Variants in GPD1L observed in about 807,000 individuals in gnomAD.
GPD1L encodes glycerol-3-phosphate dehydrogenase 1 like, also known as glycerol-3-phosphate dehydrogenase 1-like protein.
In GPD1L, 17 loss-of-function variants were observed where a neutral mutation model predicts 32.9. The ratio of observed to expected loss-of-function variants is 0.52; its 90% CI spans 0.35 to 0.78. The LOEUF is 0.78. Among genes scored for constraint, GPD1L ranks in the 30% least tolerant of loss-of-function variants. The pLI is 0.01. For synonymous variants in GPD1L, 187 were observed against 165.9 expected (o/e 1.13, Z -0.98); for missense variants, 361 against 447.8 (o/e 0.81, Z 1.75).
At chr3:32,161,571 C>G (rs1048148797) in intron 7 of GPD1L, among the ~76,000 whole-genome samples, 2 of 152,060 alleles carry the variant, frequency 1.3e-5, no homozygotes, top group African/African-American at 4.8e-5. Flanking sequence ...TGAAACACAC[C>G]CCAAGTGTGC....
intron 4 of GPD1L, among the ~76,000 whole-genome samples, chr3:32,141,351 C>A (rs1700739632): frequency 6.6e-6 from 1 of 151,938 alleles, no homozygotes; most frequent in South Asian, 2.1e-4. Flanking sequence ...AAAAGAAAGC[C>A]ATTTTAAATT....
chr3:32,120,037 C>T (rs1468584506), intron 1 of GPD1L, among the ~76,000 whole-genome samples: 2 of 152,144 alleles, frequency 1.3e-5, no homozygotes, highest in Non-Finnish European at 2.9e-5. Context: ...TAAAAGTGAG[C>T]CTGCCGGCCG....
chr3:32,144,854 C>CACACACACA (rs774096008), intron 4 of GPD1L, among the ~76,000 whole-genome samples: 6 of 147,788 alleles, frequency 4.1e-5, no homozygotes, highest in African/African-American at 1.5e-4. Flanking sequence ...CACACACACA[C>CACACACACA]CACCACGCCA....
intron 1 of GPD1L, among the ~76,000 whole-genome samples, chr3:32,121,441 ATATATATATTTCTCTC>A (rs60410111): frequency 0.22 from 19,705 of 89,170 alleles, 5,862 homozygotes; most frequent in Non-Finnish European, 0.37. Flanking sequence ...GGCTTTCTTT[ATATATATATTTCTCTC>A]TATATATATT....
rs935002368 is a variant in GPD1L at position 32,128,511 on chromosome 3, A to G, written c.225+258A>G. Among the ~76,000 whole-genome samples, 3 of 152,322 alleles carry G rather than the reference A, an allele frequency of 2.0e-5. No individual in the cohort carries two copies. In the East Asian group the frequency reaches 5.8e-4, roughly 29 times the overall value. On this transcript the variant is annotated intron_variant, in intron 2 of 7. Transcript: ENST00000282541. ...TTTTATAATTCTAGAGGTTTTGAGC[A>G]TGAGATCAGGGTGTTGATAGGGTTA...
At chr3:32,126,164 C>T (rs1338728337) in intron 1 of GPD1L, among the ~76,000 whole-genome samples, 1 of 152,044 alleles carries the variant, frequency 6.6e-6, no homozygotes, top group Admixed American at 6.5e-5. Flanking sequence ...CACTGCACTC[C>T]AGCCTGGGTG....
intron 7 of GPD1L, among the ~76,000 whole-genome samples, chr3:32,164,423 G>A (rs924748592): frequency 3.9e-5 from 6 of 152,206 alleles, no homozygotes; most frequent in African/African-American, 1.4e-4. Flanking sequence ...AACAGACTTG[G>A]TCCCAGTCCT....
At chr3:32,133,336 T>C (rs1700613908) in intron 2 of GPD1L, among the ~76,000 whole-genome samples, 1 of 152,198 alleles carries the variant, frequency 6.6e-6, no homozygotes, top group Non-Finnish European at 1.5e-5. Context: ...CTTATCCTTG[T>C]TTTATCTGTC....
At chr3:32,116,183 G>A (rs1440920665) in intron 1 of GPD1L, among the ~76,000 whole-genome samples, 1 of 152,138 alleles carries the variant, frequency 6.6e-6, no homozygotes, top group African/African-American at 2.4e-5. Context: ...CATTGTGTGG[G>A]TCGTCTGTTG....
intron 4 of GPD1L, among the ~76,000 whole-genome samples, chr3:32,141,303 G>A (rs1700738786): frequency 6.6e-6 from 1 of 151,966 alleles, no homozygotes; most frequent in Admixed American, 6.6e-5. Flanking sequence ...TAATTATGGA[G>A]GTATTTTACA....
At chr3:32,130,745 G>A (rs1456708246) in intron 2 of GPD1L, among the ~76,000 whole-genome samples, 2 of 145,294 alleles carry the variant, frequency 1.4e-5, no homozygotes, top group African/African-American at 4.9e-5. Flanking sequence ...GAGCGCAGTG[G>A]CTCATGCCTG....
intron 5 of GPD1L, 191 bp from the exon 6 acceptor site, chr3:32,158,685 A>G: frequency 7.7e-7 from 1 of 1,292,118 alleles, no homozygotes; most frequent in Non-Finnish European, 1.0e-6. Context: ...AAAGGGGAAT[A>G]TGGAAGCCCT....
chr3:32,146,596 ATCCTTGTTGTC>A lies in GPD1L; in HGVS notation c.506-24_506-14del. On this transcript the variant is annotated splice_polypyrimidine_tract_variant and intron_variant, in intron 4 of 7. Coordinates refer to ENST00000282541, the MANE Select transcript of GPD1L (RefSeq NM_015141.4). ...ATTAAGATTAGAGGCTGTTATTAAT[ATCCTTGTTGTC>A]TAACCTTTCAACAGGCAGCAAAGTA... The A allele has an allele frequency of 7.8e-7, 1 of 1,275,458 alleles. No individual in the cohort carries two copies. Among genetic ancestry groups the A allele is most frequent in the Non-Finnish European group, 1.1e-6 (1 of 870,892 alleles). The allele number at this position is 1,275,458 out of a possible 1,614,324, so 79.0% of individuals were successfully genotyped here.
intron 1 of GPD1L, among the ~76,000 whole-genome samples, chr3:32,110,328 A>T (rs1700228554): frequency 6.6e-6 from 1 of 152,098 alleles, no homozygotes; most frequent in South Asian, 2.1e-4. Context: ...TTTCTGAAGG[A>T]ACTTTAGCCT....
rs1234015451 is a variant in GPD1L, at chr3:32,121,636, CTA to C, written c.48-6431_48-6430del. ...ATTTCTATATATATTATATATATTTCTATATATATAATATATATATTTCTATA... is the reference window on the plus strand; with the variant it reads ...ATTTCTATATATATTATATATATTTCTATATATAATATATATATTTCTATA... On this transcript the variant is annotated intron_variant, in intron 1 of 7. Transcript: ENST00000282541. Among the ~76,000 whole-genome samples the C allele has an allele frequency of 9.9e-5, 11 of 111,348 alleles. 1 individual carries two copies. Among genetic ancestry groups the C allele is most frequent in the Non-Finnish European group, 1.4e-4 (8 of 57,262 alleles). The allele number at this position is 111,348 out of a possible 152,430, so 73.0% of individuals were successfully genotyped here.
At chr3:32,130,713 G>C (rs1336008538) in intron 2 of GPD1L, among the ~76,000 whole-genome samples, 1 of 145,240 alleles carries the variant, frequency 6.9e-6, no homozygotes, top group Non-Finnish European at 1.5e-5. Flanking sequence ...GCTCACACCT[G>C]TAATCCCAGC....
intron 1 of GPD1L, among the ~76,000 whole-genome samples, chr3:32,120,274 C>T (rs901125037): frequency 6.6e-6 from 1 of 151,970 alleles, no homozygotes; most frequent in African/African-American, 2.4e-5. Flanking sequence ...GTCAAGATCG[C>T]ACCACTGTAC....
At chr3:32,130,674 T>C (rs1399197358) in intron 2 of GPD1L, among the ~76,000 whole-genome samples, 2 of 152,124 alleles carry the variant, frequency 1.3e-5, no homozygotes, top group Non-Finnish European at 2.9e-5. Flanking sequence ...AAAAGAATGC[T>C]CATTATTTTC....
At position 32,128,241 on chromosome 3, in the gene GPD1L, G is replaced by T. The variant is rs758908854; in HGVS notation, c.213G>T (p.Leu71=). ...ENVKYLPGHK[L]PENVVAMSNL... The stretch of plus-strand genomic sequence containing the variant: ...TAAAATATCTTCCTGGACACAAGCT[G>T]CCAGAAAATGTGGTAAGACTTTGGG... Residue 71 remains leucine (L), a synonymous_variant, in exon 2 of 8, where the codon CTG becomes CTT. Transcript: ENST00000282541. The T allele has an allele frequency of 6.2e-6, 10 of 1,613,276 alleles. No individual in the cohort carries two copies. In the South Asian group the frequency reaches 1.1e-4, roughly 18 times the overall value.
Sources: allele counts gnomAD v4.1 joint callset (sites outside exome capture counted in the v4.1 genomes callset), GRCh38; gene constraint gnomAD v4.1.1; transcripts MANE v1.5; gene names NCBI Gene and HGNC (gene_info 2026-07-23, HGNC 2026-07-21).